ZNF184: variants seen among roughly 807,000 people sequenced by gnomAD.
ZNF184 encodes zinc finger protein 184, also known as zinc finger protein 184 (Kruppel-like).
ZNF184 carries 16 observed loss-of-function variants against 54.4 expected under a neutral mutation model. The observed-to-expected ratio is 0.29, with a 90% CI of 0.20 to 0.45. The LOEUF (loss-of-function observed/expected upper bound fraction) is 0.45, where lower values mean the gene tolerates loss of function less well. Ranked by LOEUF, ZNF184 falls within the 20% of genes least tolerant of loss-of-function variation. The pLI is 1.00. For missense variants in ZNF184, 681 were observed against 888.2 expected (o/e 0.77, Z 2.97); for synonymous variants, 254 against 295.3 (o/e 0.86, Z 1.43).
At chr6:27,409,640 G>T in the ZNF184 span, among the ~76,000 whole-genome samples, 1 of 151,744 alleles carries the variant, frequency 6.6e-6, no homozygotes, top group Non-Finnish European at 1.5e-5. Flanking sequence ...TATTCTGAAA[G>T]ATTTATGTAA....
At chr6:27,469,037 G>A (rs898071462) in intron 2 of ZNF184, among the ~76,000 whole-genome samples, 1 of 152,100 alleles carries the variant, frequency 6.6e-6, no homozygotes, top group African/African-American at 2.4e-5. Flanking sequence ...TTTGCTCTTG[G>A]GGGAATCCAC....
At chr6:27,412,335 C>T in the ZNF184 span, among the ~76,000 whole-genome samples, 1,589 of 152,264 alleles carry the variant, frequency 0.01, 16 homozygotes, top group Middle Eastern at 0.058. Context: ...TGGGTCAGCA[C>T]GCCTTCCCTA....
chr6:27,451,894 C>A lies in ZNF184; in HGVS notation c.1665G>T (p.Glu555Asp), dbSNP rs144181034. Reference protein sequence around the residue: ...LAKHERIHTGEKPYQCHECGK... With the variant: ...LAKHERIHTGDKPYQCHECGK... ...CACATTCATGACACTGATAGGGTTTCTCTCCAGTATGAATTCTTTCATGCT... is the reference window on the plus strand; with the variant it reads ...CACATTCATGACACTGATAGGGTTTATCTCCAGTATGAATTCTTTCATGCT... Residue 555 changes from glutamate to aspartate, a missense_variant, in exon 6 of 6, where the codon GAG becomes GAT. Coordinates refer to ENST00000683788, the MANE Select transcript of ZNF184 (RefSeq NM_001318891.2). 6.2e-7 allele frequency: 1 copy of A among 1,612,460 alleles called. No homozygotes were observed. The highest frequency in any genetic ancestry group is 1.3e-5 in the African/African-American group (1 of 75,036).
intron 3 of ZNF184, among the ~76,000 whole-genome samples, chr6:27,465,484 C>CAAAA (rs60538455): frequency 5.5e-3 from 191 of 34,946 alleles, no homozygotes; most frequent in African/African-American, 5.8e-3. Flanking sequence ...GACTCCATCT[C>CAAAA]AAAAAAAAAA....
chr6:27,423,504 CATT>C, the ZNF184 span, among the ~76,000 whole-genome samples: 2 of 152,250 alleles, frequency 1.3e-5, no homozygotes, highest in South Asian at 4.1e-4. Flanking sequence ...TTTTCACTAT[CATT>C]ATAATAATTC....
chr6:27,452,995 A>C lies in ZNF184; in HGVS notation c.564T>G (p.Asn188Lys), dbSNP rs139647756. The stretch of plus-strand genomic sequence containing the variant: ...CTTGTGTTACAAGGTTTGAACTCAC[A>C]TTGACACTTTTCCCAAATTCATTAT... ...PVNNEFGKSV[N>K]VSSNLVTQEP... The change falls in exon 6 of 6, where the codon AAT becomes AAG. Residue 188 changes from asparagine to lysine, a missense_variant. Asn to Lys is a moderately conservative substitution (Grantham distance 94). Coordinates refer to ENST00000683788, the MANE Select transcript of ZNF184 (RefSeq NM_001318891.2). This position sits in a 1 kb window ranked among gnomAD's most constrained non-coding sequence, Gnocchi z 5.5. 3 of 1,614,020 alleles carry C rather than the reference A, an allele frequency of 1.9e-6. No homozygotes were observed. The highest frequency in any genetic ancestry group is 2.5e-6 in the Non-Finnish European group (3 of 1,180,024).
At position 27,470,280 on chromosome 6, in the gene ZNF184, A is replaced by C. The variant is rs539113983; in HGVS notation, c.7+2008T>G. Among the ~76,000 whole-genome samples, 288 of 152,322 alleles carry C rather than the reference A, an allele frequency of 1.9e-3. 2 individuals are homozygous for C. Among genetic ancestry groups the C allele is most frequent in the Non-Finnish European group, 2.3e-3 (158 of 68,014 alleles). The stretch of plus-strand genomic sequence containing the variant: ...AGATAAATCGAAAGAAAGAAAGAAA[A>C]AAAAAAACAAAAGTAGCACCATGCT... On this transcript the variant is annotated intron_variant, in intron 2 of 5. Coordinates refer to ENST00000683788, the MANE Select transcript of ZNF184 (RefSeq NM_001318891.2).
chr6:27,447,628 G>A (rs1029565632), downstream of ZNF184, among the ~76,000 whole-genome samples: 11 of 152,058 alleles, frequency 7.2e-5, no homozygotes, highest in African/African-American at 9.7e-5. Flanking sequence ...CAGGAGAATC[G>A]TTTGAACCCA....
the ZNF184 span, among the ~76,000 whole-genome samples, chr6:27,426,651 C>G: frequency 6.6e-6 from 1 of 152,192 alleles, no homozygotes; most frequent in Non-Finnish European, 1.5e-5. The surrounding 1 kb of genome is among the most constrained non-coding windows in gnomAD (Gnocchi z 4.2). Flanking sequence ...TAAGTCCCTA[C>G]TATTTAAAAA....
At chr6:27,431,608 T>C in the ZNF184 span, among the ~76,000 whole-genome samples, 1 of 152,210 alleles carries the variant, frequency 6.6e-6, no homozygotes, top group Non-Finnish European at 1.5e-5. Flanking sequence ...CTAGTACTGA[T>C]AGACCACAGA....
chr6:27,437,503 A>G, the ZNF184 span, among the ~76,000 whole-genome samples: 1 of 152,198 alleles, frequency 6.6e-6, no homozygotes, highest in Non-Finnish European at 1.5e-5. Context: ...CCTTTAGATG[A>G]GAATGCAGCT....
the ZNF184 span, among the ~76,000 whole-genome samples, chr6:27,434,326 G>A: frequency 1.3e-5 from 2 of 152,130 alleles, no homozygotes; most frequent in Non-Finnish European, 2.9e-5. Context: ...CTGCATACTA[G>A]CTAACACTTG....
At chr6:27,409,115 T>G in the ZNF184 span, among the ~76,000 whole-genome samples, 4 of 152,198 alleles carry the variant, frequency 2.6e-5, no homozygotes, top group East Asian at 5.8e-4. Context: ...GTGATGGACA[T>G]GCTGAAAGGA....
the ZNF184 span, among the ~76,000 whole-genome samples, chr6:27,409,964 T>C: frequency 6.6e-6 from 1 of 152,194 alleles, no homozygotes; most frequent in Non-Finnish European, 1.5e-5. Context: ...CTTTTCTATG[T>C]TTAGATATAT....
At chr6:27,454,186 A>C (rs1762799436) in intron 5 of ZNF184, among the ~76,000 whole-genome samples, 1 of 152,186 alleles carries the variant, frequency 6.6e-6, no homozygotes, top group Admixed American at 6.5e-5. Context: ...TTCTTAAAGA[A>C]CAGATTCAAT....
At chr6:27,432,463 A>G in the ZNF184 span, among the ~76,000 whole-genome samples, 1 of 152,240 alleles carries the variant, frequency 6.6e-6, no homozygotes, top group Non-Finnish European at 1.5e-5. The surrounding 1 kb of genome is among the most constrained non-coding windows in gnomAD (Gnocchi z 4.0). Flanking sequence ...TGCTTCTTAA[A>G]AAAAATCTCT....
At chr6:27,446,905 G>A (rs1294147210), downstream of ZNF184, among the ~76,000 whole-genome samples, 1 of 152,052 alleles carries the variant, frequency 6.6e-6, no homozygotes, top group East Asian at 1.9e-4. Context: ...AGCATTTTGG[G>A]AGGCTGAAGC....
chr6:27,462,621 T>C (rs1763025443), intron 3 of ZNF184, among the ~76,000 whole-genome samples: 1 of 151,382 alleles, frequency 6.6e-6, no homozygotes, highest in Admixed American at 6.6e-5. Context: ...TCCCAGCACT[T>C]TGGGAGGCCT....
chr6:27,412,244 C>T, the ZNF184 span, among the ~76,000 whole-genome samples: 8 of 152,272 alleles, frequency 5.3e-5, no homozygotes, highest in East Asian at 3.9e-4. Flanking sequence ...CAGGGCCACA[C>T]GGTTCCACAG....
Sources: gnomAD v4.1 joint callset for allele counts (sites outside exome capture counted in the v4.1 genomes callset) on GRCh38, gnomAD v4.1.1 for gene constraint, Gnocchi (gnomAD v3.1) non-coding constraint, MANE v1.5 for transcripts, NCBI Gene and HGNC (gene_info 2026-07-23, HGNC 2026-07-21) for gene names.